The following KCNJ15 variants were observed in gnomAD, a reference collection of about 807,000 sequenced individuals.
KCNJ15 encodes the protein potassium inwardly rectifying channel subfamily J member 15, also known as ATP-sensitive inward rectifier potassium channel 15.
Under a neutral mutation model 23.0 loss-of-function variants are expected in KCNJ15, and 14 were observed. The ratio of observed to expected loss-of-function variants is 0.61; its 90% CI spans 0.40 to 0.95. KCNJ15 has a LOEUF of 0.95. KCNJ15 is among the 40% of genes least tolerant of loss of function. KCNJ15 has a pLI of 0.00. For synonymous variants in KCNJ15, 185 were observed against 183.2 expected (o/e 1.01, Z -0.08); for missense variants, 388 against 461.8 (o/e 0.84, Z 1.46).
chr21:38,255,149 C>T (rs1291281269), upstream of KCNJ15, among the ~76,000 whole-genome samples: 5 of 152,214 alleles, frequency 3.3e-5, no homozygotes, highest in East Asian at 5.8e-4. Flanking sequence ...TCTTGGGGCA[C>T]GGACTTGGAT....
Position 38,303,738 on chromosome 21 carries a change from T to C in KCNJ15, c.*3349T>C, listed in dbSNP as rs1327547617. ...AAATTTCCCAATTTTTAATAGACTG[T>C]GATTTCAATATTATCGAAATGTAAA... is the stretch of plus-strand genomic sequence containing the variant. On this transcript the variant is annotated 3_prime_UTR_variant, in exon 3 of 3. Coordinates refer to ENST00000398938, the MANE Select transcript of KCNJ15 (RefSeq NM_170736.3). 6.6e-6 allele frequency: 1 copy of C among 152,204 alleles called. No homozygotes were observed. Among genetic ancestry groups the C allele is most frequent in the African/African-American group, 2.4e-5 (1 of 41,444 alleles). The allele number at this position is 152,204 out of a possible 1,614,324, so 9.4% of individuals were successfully genotyped here.
chr21:38,259,116 T>C (rs1364085172), intron 1 of KCNJ15, among the ~76,000 whole-genome samples: 1 of 152,178 alleles, frequency 6.6e-6, no homozygotes, highest in Non-Finnish European at 1.5e-5. Context: ...AGGCACGGAA[T>C]AGAGAGGCAA....
intron 1 of KCNJ15, among the ~76,000 whole-genome samples, chr21:38,293,135 C>G (rs922400824): frequency 6.6e-6 from 1 of 152,122 alleles, no homozygotes; most frequent in African/African-American, 2.4e-5. Flanking sequence ...ACTCTAAGAA[C>G]TGTGTGGCTT....
chr21:38,284,875 C>T (rs1363235674), intron 1 of KCNJ15, among the ~76,000 whole-genome samples: 2 of 152,214 alleles, frequency 1.3e-5, no homozygotes, highest in Non-Finnish European at 2.9e-5. Context: ...CTCATCTATC[C>T]TTGACTTTCT....
intron 1 of KCNJ15, among the ~76,000 whole-genome samples, chr21:38,275,679 A>G (rs7279943): frequency 0.67 from 102,499 of 151,956 alleles, 34,991 homozygotes; most frequent in Non-Finnish European, 0.73. Context: ...GAGCCAAGGC[A>G]TTAGTTCATT....
chr21:38,259,724 T>G (rs1296223996), intron 1 of KCNJ15, among the ~76,000 whole-genome samples: 5 of 152,172 alleles, frequency 3.3e-5, no homozygotes, highest in African/African-American at 1.2e-4. Context: ...GGGCTTTTGG[T>G]GCAGCTGATG....
In KCNJ15 at chr21:38,300,457, A is replaced by T; in HGVS notation, c.*68A>T. The stretch of plus-strand genomic sequence containing the variant: ...ACATCAGAACTCCCTTCAAACACAA[A>T]GATTGCTGTGAAAACGAAAATGTGT... On this transcript the variant is annotated 3_prime_UTR_variant, in exon 3 of 3. Transcript: ENST00000398938. 1 of 1,426,430 alleles carries T rather than the reference A, an allele frequency of 7.0e-7. No homozygotes were observed. The highest frequency in any genetic ancestry group is 9.5e-7 in the Non-Finnish European group (1 of 1,052,980). 88.4% of individuals were successfully genotyped at this position (1,426,430 alleles called of 1,614,324 possible).
chr21:38,254,106 T>C (rs544760556), upstream of KCNJ15, among the ~76,000 whole-genome samples: 7 of 152,358 alleles, frequency 4.6e-5, no homozygotes, highest in Non-Finnish European at 1.5e-5. Flanking sequence ...GAAAATATTA[T>C]TTTGTCAGGA....
chr21:38,247,999 C>A (rs1465314956), intron 1 of KCNJ15, among the ~76,000 whole-genome samples: 1 of 152,184 alleles, frequency 6.6e-6, no homozygotes, highest in Non-Finnish European at 1.5e-5. Context: ...GTTATTGCTT[C>A]CAAACTTGGG....
At position 38,302,823 on chromosome 21, in the gene KCNJ15, C is replaced by G. The variant is rs1985895529; in HGVS notation, c.*2434C>G. 1 of 152,100 alleles carries G rather than the reference C, an allele frequency of 6.6e-6. No homozygotes were observed. The highest frequency in any genetic ancestry group is 2.4e-5 in the African/African-American group (1 of 41,400). The allele number at this position is 152,100 out of a possible 1,614,324, so 9.4% of individuals were successfully genotyped here. Reference sequence around the variant, plus strand: ...TTGTCATTTAGCATATCAATTTCAGCCAAATTTGGAAGACTTGATCATCTT... The same window carrying G: ...TTGTCATTTAGCATATCAATTTCAGGCAAATTTGGAAGACTTGATCATCTT... On this transcript the variant is annotated 3_prime_UTR_variant, in exon 3 of 3. Coordinates refer to ENST00000398938, the MANE Select transcript of KCNJ15 (RefSeq NM_170736.3).
upstream of KCNJ15, among the ~76,000 whole-genome samples, chr21:38,253,509 T>A (rs1979978332): frequency 6.6e-6 from 1 of 152,216 alleles, no homozygotes; most frequent in African/African-American, 2.4e-5. Flanking sequence ...TTTAAGCTGC[T>A]AGATTCATGG....
chr21:38,262,325 A>G (rs575557661), intron 1 of KCNJ15, among the ~76,000 whole-genome samples: 2 of 152,224 alleles, frequency 1.3e-5, no homozygotes, highest in Non-Finnish European at 2.9e-5. Flanking sequence ...TCTAAATACT[A>G]AGAAATAAGA....
In KCNJ15 at chr21:38,299,595, G is replaced by A; in HGVS notation, c.334G>A (p.Asp112Asn). The change falls in exon 3 of 3, where the codon GAC (aspartate) becomes AAC (asparagine). Residue 112 changes from aspartate (D) to asparagine (N), a missense_variant. By Grantham distance (23) the Asp-to-Asn change is conservative. Coordinates refer to ENST00000398938, the MANE Select transcript of KCNJ15 (RefSeq NM_170736.3). The surrounding 1 kb of genome is among the most constrained non-coding windows in gnomAD (Gnocchi z 4.5). ...TCATACCCCCTGCATCATGAAAGTG[G>A]ACTCTCTCACTGGGGCGTTTCTCTT... is the stretch of plus-strand genomic sequence containing the variant. ...SNHTPCIMKV[D>N]SLTGAFLFSL... is the part of the protein sequence containing the mutation. The A allele has an allele frequency of 6.2e-7, 1 of 1,614,126 alleles. No individual in the cohort carries two copies. The highest frequency in any genetic ancestry group is 8.5e-7 in the Non-Finnish European group (1 of 1,180,042).
chr21:38,301,580 T>A lies in KCNJ15; in HGVS notation c.*1191T>A, dbSNP rs1186427283. On this transcript the variant is annotated 3_prime_UTR_variant, in exon 3 of 3. Transcript: ENST00000398938. ...TACAGGAAATGTTCTCAGATGCTGA[T>A]GTTTGTAAGGTCCGGTGGGGCCATG... 5 of 166,966 alleles carry A rather than the reference T, an allele frequency of 3.0e-5. No individual in the cohort carries two copies. 10.3% of individuals were successfully genotyped at this position (166,966 alleles called of 1,614,324 possible). A position where few individuals can be genotyped will look rare whatever the true frequency, so the allele number is the denominator to read the frequency against.
chr21:38,271,780 A>C (rs1982122830), intron 1 of KCNJ15, among the ~76,000 whole-genome samples: 1 of 152,184 alleles, frequency 6.6e-6, no homozygotes, highest in Admixed American at 6.5e-5. Context: ...GCAGAAGGTC[A>C]CTATAGGAAC....
At chr21:38,245,341 T>C (rs954977963) in intron 1 of KCNJ15, among the ~76,000 whole-genome samples, 3 of 146,014 alleles carry the variant, frequency 2.1e-5, no homozygotes, top group African/African-American at 7.5e-5. Flanking sequence ...TCTTGGACAT[T>C]AAAAAAAAAA....
chr21:38,258,524 C>T (rs1009708608), intron 1 of KCNJ15, among the ~76,000 whole-genome samples: 3 of 152,208 alleles, frequency 2.0e-5, no homozygotes, highest in Non-Finnish European at 4.4e-5. Context: ...CCAGAGGCCA[C>T]AAGGCAAGTC....
intron 1 of KCNJ15, among the ~76,000 whole-genome samples, chr21:38,237,750 C>A (rs976493289): frequency 6.6e-5 from 10 of 152,170 alleles, no homozygotes; most frequent in African/African-American, 2.4e-4. Context: ...TAACCAAGTC[C>A]AGTGAACTAC....
intron 1 of KCNJ15, among the ~76,000 whole-genome samples, chr21:38,251,547 G>A (rs527753368): frequency 3.9e-5 from 6 of 152,338 alleles, no homozygotes; most frequent in Admixed American, 3.9e-4. Context: ...CAACTTTTAA[G>A]TATATACATT....
Sources: gnomAD v4.1 joint callset for allele counts (sites outside exome capture counted in the v4.1 genomes callset) on GRCh38, gnomAD v4.1.1 for gene constraint, Gnocchi (gnomAD v3.1) non-coding constraint, MANE v1.5 for transcripts, NCBI Gene and HGNC (gene_info 2026-07-23, HGNC 2026-07-21) for gene names.